The following DOCK2 variants were observed in gnomAD, a reference collection of about 807,000 sequenced individuals.
The protein encoded by DOCK2 is dedicator of cytokinesis protein 2.
A neutral mutation model predicts 248.9 loss-of-function variants in DOCK2; 87 were observed. The observed-to-expected ratio is 0.35, with a 90% confidence interval of 0.29 to 0.42. The LOEUF (loss-of-function observed/expected upper bound fraction) is 0.42, where lower values mean the gene tolerates loss of function less well. DOCK2 is among the 10% of genes least tolerant of loss of function. The probability of loss-of-function intolerance (pLI) is 1.00; values close to 1 mark genes in which losing one functional copy is unlikely to be tolerated. For synonymous variants in DOCK2, 805 were observed against 821.6 expected, an observed-to-expected ratio of 0.98 and a Z score of 0.35; for missense variants, 1,747 against 2,300.2, an observed-to-expected ratio of 0.76 and a Z score of 4.92.
intron 27 of DOCK2, among the ~76,000 whole-genome samples, chr5:169,899,299 G>C (rs1362833147): frequency 6.6e-6 from 1 of 152,164 alleles, no homozygotes; most frequent in Non-Finnish European, 1.5e-5. Flanking sequence ...TAGATCCTCA[G>C]AGTGCCTGAC....
chr5:169,738,483 C>A (rs1763154463), intron 22 of DOCK2, among the ~76,000 whole-genome samples: 1 of 152,186 alleles, frequency 6.6e-6, no homozygotes, highest in Non-Finnish European at 1.5e-5. Context: ...ATAGTCCCTT[C>A]TTAGCCCAAG....
Position 169,711,974 on chromosome 5 carries a change from C to T in DOCK2, c.1522C>T (p.Arg508Ter), listed in dbSNP as rs1237967443. The change falls in exon 16 of 52, where the codon CGA becomes TGA. Residue 508 changes from arginine (R) to a stop codon, truncating the protein, a stop_gained. Coordinates refer to ENST00000520908, the MANE Select transcript of DOCK2 (RefSeq NM_004946.3). LOFTEE classifies it high-confidence loss of function. ...PIEDMQRIHLRFMFRHRSSLE... is the reference protein window; with the variant it reads ...PIEDMQRIHL ...TGAAGACATGCAGAGGATCCATCTG[C>T]GATTCATGTTTCGACATCGGTCATC... 3 of 1,614,032 alleles carry T rather than the reference C, an allele frequency of 1.9e-6. No homozygotes were observed. The highest frequency in any genetic ancestry group is 1.7e-5 in the Admixed American group (1 of 60,000).
chr5:170,005,473 T>A (rs1754994922), intron 30 of DOCK2, among the ~76,000 whole-genome samples: 1 of 152,108 alleles, frequency 6.6e-6, no homozygotes, highest in African/African-American at 2.4e-5. Flanking sequence ...AGTGCTACCA[T>A]CAACACCACC....
intron 1 of DOCK2, among the ~76,000 whole-genome samples, chr5:169,645,502 A>G (rs961621204): frequency 2.0e-5 from 3 of 152,094 alleles, no homozygotes; most frequent in African/African-American, 4.8e-5. Flanking sequence ...TAAGTTTCTT[A>G]TAGATTCTGG....
chr5:170,076,119 T>C (rs748490512), intron 47 of DOCK2, 35 bp downstream of exon 47: 1 of 1,605,548 alleles, frequency 6.2e-7, no homozygotes, highest in Admixed American at 1.7e-5. Context: ...AGGGGTGGGA[T>C]TGTGCAGGGT....
chr5:169,968,307 C>T (rs755990508), intron 27 of DOCK2, among the ~76,000 whole-genome samples: 61 of 152,098 alleles, frequency 4.0e-4, no homozygotes, highest in African/African-American at 5.8e-4. Context: ...TCACAGCAAA[C>T]GAGGCAGTCC....
chr5:169,922,446 G>A (rs955026813), intron 27 of DOCK2, among the ~76,000 whole-genome samples: 15 of 152,352 alleles, frequency 9.8e-5, no homozygotes, highest in African/African-American at 3.6e-4. Flanking sequence ...TCAGTTTAGA[G>A]CTTTCTGAAC....
At chr5:169,892,987 G>T (rs934734799) in intron 27 of DOCK2, among the ~76,000 whole-genome samples, 6 of 151,320 alleles carry the variant, frequency 4.0e-5, no homozygotes, top group Non-Finnish European at 8.8e-5. Context: ...CACCTTTCTT[G>T]CCCTCCTCTT....
intron 1 of DOCK2, among the ~76,000 whole-genome samples, chr5:169,649,686 G>T (rs746691783): frequency 3.3e-5 from 5 of 152,182 alleles, no homozygotes; most frequent in Non-Finnish European, 7.3e-5. Flanking sequence ...TTTCTGTGTG[G>T]CTATGAGCAA....
intron 33 of DOCK2, among the ~76,000 whole-genome samples, chr5:170,023,779 C>T (rs1175567313): frequency 6.6e-6 from 1 of 152,160 alleles, no homozygotes; most frequent in East Asian, 1.9e-4. Context: ...TGATGTCATC[C>T]TTGTCATCTT....
intron 33 of DOCK2, among the ~76,000 whole-genome samples, chr5:170,025,630 C>T (rs1270377198): frequency 1.3e-5 from 2 of 152,136 alleles, no homozygotes; most frequent in African/African-American, 4.8e-5. Context: ...ATGATAGTCC[C>T]CAACCCTTGA....
At chr5:169,805,216 CAAA>C (rs1178136278) in intron 26 of DOCK2, among the ~76,000 whole-genome samples, 4 of 70,682 alleles carry the variant, frequency 5.7e-5, no homozygotes, top group Admixed American at 1.4e-4. Context: ...TCTGTCTCTA[CAAA>C]AAAAAAAAAA....
At chr5:169,887,802 T>C (rs1773057062) in intron 27 of DOCK2, among the ~76,000 whole-genome samples, 1 of 152,242 alleles carries the variant, frequency 6.6e-6, no homozygotes, top group Admixed American at 6.5e-5. Context: ...TACTACCATG[T>C]TACCACTCAT....
chr5:169,653,661 G>GC (rs1193708712), intron 1 of DOCK2, among the ~76,000 whole-genome samples: 1 of 152,212 alleles, frequency 6.6e-6, no homozygotes, highest in African/African-American at 2.4e-5. Context: ...GCCTCCTGTG[G>GC]CCCCCATGCA....
chr5:169,751,529 T>C (rs1763893703), intron 23 of DOCK2, among the ~76,000 whole-genome samples: 1 of 152,194 alleles, frequency 6.6e-6, no homozygotes, highest in Non-Finnish European at 1.5e-5. Context: ...TCCAGCTGGG[T>C]AGCGGCTTAT....
At chr5:169,934,743 G>A in intron 27 of DOCK2, 1 of 456,022 alleles carries the variant, frequency 2.2e-6, no homozygotes, top group Non-Finnish European at 4.4e-6. Flanking sequence ...GCTGCTCACG[G>A]GATCAGTGCT....
intron 22 of DOCK2, 142 bp from the exon 23 acceptor site, chr5:169,747,254 A>C: frequency 1.5e-6 from 1 of 647,732 alleles, no homozygotes; most frequent in Non-Finnish European, 2.6e-6. Flanking sequence ...TGCACGCAGC[A>C]TCTGCAGAAT....
rs1322765581 is a variant in DOCK2 at position 169,670,598 on chromosome 5, G to A, written c.224+1G>A. ...AGGAAGTGACAGTTGAGAAAAGAAG[G>A]TATTTGCCATTCTTCACCAGACTTG... On this transcript the variant is annotated splice_donor_variant, in intron 4 of 51. Coordinates refer to ENST00000520908, the MANE Select transcript of DOCK2 (RefSeq NM_004946.3). LOFTEE classifies it high-confidence loss of function. 1 of 1,613,920 alleles carries A rather than the reference G, an allele frequency of 6.2e-7. No individual in the cohort carries two copies.
At chr5:169,758,148 C>T (rs1764293202) in intron 23 of DOCK2, among the ~76,000 whole-genome samples, 1 of 152,018 alleles carries the variant, frequency 6.6e-6, no homozygotes, top group African/African-American at 2.4e-5. Flanking sequence ...TATAATGTAC[C>T]CATTTGAGCA....
Sources: allele counts gnomAD v4.1 joint callset (sites outside exome capture counted in the v4.1 genomes callset), GRCh38; gene constraint gnomAD v4.1.1; transcripts MANE v1.5; gene names NCBI Gene and HGNC (gene_info 2026-07-23, HGNC 2026-07-21).